Variants in PRPF18 observed in about 807,000 individuals in gnomAD.
The protein encoded by PRPF18 is pre-mRNA-splicing factor 18.
In PRPF18, 38 loss-of-function variants were observed where a neutral mutation model predicts 46.5. That is an observed-to-expected ratio of 0.82 (90% confidence interval 0.63 to 1.07). The LOEUF (loss-of-function observed/expected upper bound fraction) is 1.07, where lower values mean the gene tolerates loss of function less well. PRPF18 is among the 50% of genes least tolerant of loss of function. The probability of loss-of-function intolerance (pLI) is 0.00; values close to 1 mark genes in which losing one functional copy is unlikely to be tolerated. For missense variants in PRPF18, 263 were observed against 410.0 expected (o/e 0.64, Z 3.10); for synonymous variants, 152 against 146.7 (o/e 1.04, Z -0.26).
At chr10:13,655,226 C>A in the PRPF18 span, 1 of 152,222 alleles carries the variant, frequency 6.6e-6, no homozygotes, top group Non-Finnish European at 1.5e-5. Context: ...TCAGATACAG[C>A]TTAACAATTT....
At chr10:13,593,874 C>T (rs2079998340) in intron 1 of PRPF18, among the ~76,000 whole-genome samples, 1 of 152,004 alleles carries the variant, frequency 6.6e-6, no homozygotes, top group African/African-American at 2.4e-5. Context: ...ATGGGAAATT[C>T]GTGAGAATGG....
At chr10:13,651,408 T>TGAATGTAGATAGAACATGGTGAGTCTA in the PRPF18 span, 1 of 153,718 alleles carries the variant, frequency 6.5e-6, no homozygotes, top group African/African-American at 2.4e-5. Context: ...TACAAATCTT[T>TGAATGTAGATAGAACATGGTGAGTCTA]GAATGTAGAT....
the PRPF18 span, chr10:13,638,987 ACTT>A: frequency 6.6e-6 from 1 of 152,264 alleles, no homozygotes; most frequent in African/African-American, 2.4e-5. Flanking sequence ...CATTACTCAA[ACTT>A]CTTGACCTTC....
intron 6 of PRPF18, among the ~76,000 whole-genome samples, chr10:13,613,186 A>C (rs539961556): frequency 1.3e-5 from 2 of 151,646 alleles, no homozygotes; most frequent in African/African-American, 2.4e-5. Flanking sequence ...TCTGTTTCCT[A>C]CTTCCAGGAA....
the PRPF18 span, chr10:13,642,645 G>A: frequency 6.6e-6 from 1 of 152,196 alleles, no homozygotes; most frequent in African/African-American, 2.4e-5. Context: ...GCTTTCATGT[G>A]GTAGAGCTTA....
chr10:13,650,960 C>T, the PRPF18 span: 4 of 152,210 alleles, frequency 2.6e-5, no homozygotes, highest in African/African-American at 7.2e-5. Context: ...TCTTAGAGCA[C>T]TTAATACATA....
chr10:13,590,441 C>CAAAAAA (rs71721771), intron 1 of PRPF18, among the ~76,000 whole-genome samples: 1 of 134,964 alleles, frequency 7.4e-6, no homozygotes, highest in Admixed American at 7.5e-5. Context: ...ACTGAAAATA[C>CAAAAAA]AAAAAAAAAA....
chr10:13,592,376 G>A (rs139784014), intron 1 of PRPF18: 40 of 258,170 alleles, frequency 1.5e-4, no homozygotes, highest in African/African-American at 7.8e-4. Context: ...TAGAAAACAC[G>A]GGTCAGGGAT....
At chr10:13,626,051 G>A (rs1394612970) in intron 9 of PRPF18, among the ~76,000 whole-genome samples, 1 of 152,246 alleles carries the variant, frequency 6.6e-6, no homozygotes, top group African/African-American at 2.4e-5. Context: ...GCGTAGAGAA[G>A]TGAGTTCTCA....
chr10:13,616,606 C>A (rs1206402552), intron 9 of PRPF18, 53 bp downstream of exon 9: 2 of 1,587,322 alleles, frequency 1.3e-6, no homozygotes, highest in Non-Finnish European at 1.7e-6. Flanking sequence ...TTCTCTAATT[C>A]CCAAAACTCT....
chr10:13,631,699 A>G (rs888238676), downstream of PRPF18: 1 of 152,258 alleles, frequency 6.6e-6, no homozygotes, highest in African/African-American at 2.4e-5. Flanking sequence ...TAGCAGCAAC[A>G]GCAGTAATCA....
the PRPF18 span, chr10:13,646,969 G>T: frequency 1.4e-5 from 14 of 984,082 alleles, no homozygotes; most frequent in South Asian, 4.7e-5. Context: ...TTTCCTGCCC[G>T]TACCACTGGA....
At chr10:13,603,383 C>G (rs1016447888) in intron 3 of PRPF18, among the ~76,000 whole-genome samples, 1 of 152,030 alleles carries the variant, frequency 6.6e-6, no homozygotes, top group African/African-American at 2.4e-5. Flanking sequence ...AAAGAAATTT[C>G]GAAGTCAGGT....
At chr10:13,653,664 C>T in the PRPF18 span, among the ~76,000 whole-genome samples, 1 of 152,230 alleles carries the variant, frequency 6.6e-6, no homozygotes, top group African/African-American at 2.4e-5. Context: ...TCCTTAACTC[C>T]TCTAACCAAC....
At chr10:13,592,041 C>G in intron 1 of PRPF18, 2 of 611,064 alleles carry the variant, frequency 3.3e-6, no homozygotes, top group Non-Finnish European at 5.8e-6. Flanking sequence ...CTTGTCACCA[C>G]CAACTGGTTT....
chr10:13,606,658 C>A (rs1005398064), intron 4 of PRPF18, among the ~76,000 whole-genome samples: 3 of 135,362 alleles, frequency 2.2e-5, no homozygotes, highest in African/African-American at 7.9e-5. Flanking sequence ...TCACTTGAAT[C>A]CGGGAGGTGG....
rs2478112 is a variant in PRPF18, at chr10:13,593,871, A to T, written c.67-3587A>T. Among the ~76,000 whole-genome samples, 66 of 152,132 alleles carry T rather than the reference A, an allele frequency of 4.3e-4. 1 individual carries two copies. Among genetic ancestry groups the T allele is most frequent in the Admixed American group, 3.8e-3 (58 of 15,286 alleles). ...TGAGGGGAGAATGAAAGGATGGGAA[A>T]TTCGTGAGAATGGAGACAGTGGAAT... On this transcript the variant is annotated intron_variant, in intron 1 of 9. Coordinates refer to ENST00000378572, the MANE Select transcript of PRPF18 (RefSeq NM_003675.4).
intron 4 of PRPF18, among the ~76,000 whole-genome samples, chr10:13,609,037 T>C (rs1311631609): frequency 6.6e-6 from 1 of 152,250 alleles, no homozygotes; most frequent in Non-Finnish European, 1.5e-5. Context: ...TGAGAAATTA[T>C]AAGTGTTTTG....
chr10:13,611,677 C>T lies in PRPF18; in HGVS notation c.573C>T (p.Phe191=). The T allele has an allele frequency of 6.2e-7, 1 of 1,613,498 alleles. No individual in the cohort carries two copies. The highest frequency in any genetic ancestry group is 8.5e-7 in the Non-Finnish European group (1 of 1,179,526). ...AAGACATGGACATCATCACCAAATT[C>T]CTGAAGGTGCGTGTCTTAGGCGAGG... ...DHKDMDIITK[F]LKFLLGVWAK... is the part of the protein sequence containing the mutation. The change falls in exon 6 of 10, where the codon TTC becomes TTT. Residue 191 remains phenylalanine (F), a synonymous_variant. Coordinates refer to ENST00000378572, the MANE Select transcript of PRPF18 (RefSeq NM_003675.4).
Sources: allele counts gnomAD v4.1 joint callset (sites outside exome capture counted in the v4.1 genomes callset), GRCh38; gene constraint gnomAD v4.1.1; transcripts MANE v1.5; gene names NCBI Gene and HGNC (gene_info 2026-07-23, HGNC 2026-07-21).